The following DIXDC1 variants were observed in gnomAD, a reference collection of about 807,000 sequenced individuals.
DIXDC1 encodes the protein dixin.
DIXDC1 carries 64 observed loss-of-function variants against 103.1 expected under a neutral mutation model. The observed-to-expected ratio is 0.62, with a 90% CI of 0.51 to 0.76. The LOEUF (loss-of-function observed/expected upper bound fraction) is 0.76. Ranked by LOEUF, DIXDC1 falls within the 30% of genes least tolerant of loss-of-function variation. The probability of loss-of-function intolerance (pLI) is 0.00; values close to 1 mark genes in which losing one functional copy is unlikely to be tolerated. For missense variants in DIXDC1, 759 were observed against 834.2 expected (o/e 0.91, Z 1.11); for synonymous variants, 266 against 298.5 (o/e 0.89, Z 1.12).
chr11:111,966,472 C>T (rs1357161990), intron 2 of DIXDC1, among the ~76,000 whole-genome samples: 2 of 144,446 alleles, frequency 1.4e-5, no homozygotes, highest in African/African-American at 5.4e-5. Context: ...GGCGCAATCT[C>T]GGCTCACTGC....
intron 3 of DIXDC1, among the ~76,000 whole-genome samples, chr11:111,968,862 C>G (rs2137520442): frequency 1.3e-5 from 2 of 152,158 alleles, no homozygotes; most frequent in South Asian, 4.2e-4. Context: ...GCAACCTTTG[C>G]CTCCCTGGTT....
intron 1 of DIXDC1, among the ~76,000 whole-genome samples, chr11:111,952,405 T>A (rs1336834756): frequency 6.6e-6 from 1 of 152,184 alleles, no homozygotes; most frequent in Non-Finnish European, 1.5e-5. Context: ...AAGAAAACAC[T>A]AAGGCAATGG....
In DIXDC1 at chr11:111,998,776, C is replaced by G. The variant is rs1339650724; in HGVS notation, c.1756+2630C>G. Reference sequence around the variant, plus strand: ...CTTGAACTCTTGAGCTCAGGCAATCCACCCACCCCGGCCTCCCAAAGTGCT... The same window carrying G: ...CTTGAACTCTTGAGCTCAGGCAATCGACCCACCCCGGCCTCCCAAAGTGCT... On this transcript the variant is annotated intron_variant, in intron 17 of 19. Transcript: ENST00000440460. The surrounding 1 kb of genome is among the most constrained non-coding windows in gnomAD (Gnocchi z 4.1). Among the ~76,000 whole-genome samples, 1 of 152,172 alleles carries G rather than the reference C, an allele frequency of 6.6e-6. No individual in the cohort carries two copies. Among genetic ancestry groups the G allele is most frequent in the Non-Finnish European group, 1.5e-5 (1 of 68,030 alleles).
chr11:111,981,119 T>C (rs1555173204), intron 6 of DIXDC1, among the ~76,000 whole-genome samples: 3 of 150,798 alleles, frequency 2.0e-5, no homozygotes, highest in Non-Finnish European at 4.5e-5. Context: ...GAAATGACTT[T>C]GGGGCAGTCA....
chr11:111,959,927 T>G (rs1859515353), intron 1 of DIXDC1, among the ~76,000 whole-genome samples: 1 of 152,096 alleles, frequency 6.6e-6, no homozygotes, highest in Admixed American at 6.5e-5. Flanking sequence ...TGTTTGTTTT[T>G]GAGATGGAGT....
At chr11:111,983,388 G>A (rs947248789) in intron 7 of DIXDC1, among the ~76,000 whole-genome samples, 2 of 152,130 alleles carry the variant, frequency 1.3e-5, no homozygotes, top group South Asian at 2.1e-4. Flanking sequence ...TTTGCATAAC[G>A]TATGCCCCAG....
At chr11:112,000,404 TAAAG>T (rs1555175862) in intron 17 of DIXDC1, among the ~76,000 whole-genome samples, 1 of 151,756 alleles carries the variant, frequency 6.6e-6, no homozygotes, top group Non-Finnish European at 1.5e-5. Context: ...CCAAAGAAGA[TAAAG>T]AAATGGCCAG....
chr11:111,965,362 G>A (rs1859694523), intron 2 of DIXDC1, among the ~76,000 whole-genome samples: 1 of 152,142 alleles, frequency 6.6e-6, no homozygotes, highest in Admixed American at 6.5e-5. Flanking sequence ...TTTAAGAGCA[G>A]GCATAGTATA....
At chr11:111,991,910 A>T (rs1860722930) in intron 10 of DIXDC1, among the ~76,000 whole-genome samples, 1 of 152,136 alleles carries the variant, frequency 6.6e-6, no homozygotes, top group Admixed American at 6.5e-5. Flanking sequence ...AATAGGGCCC[A>T]TCTCTCCAGG....
chr11:111,956,679 G>A (rs1241792398), intron 1 of DIXDC1, among the ~76,000 whole-genome samples: 1 of 151,984 alleles, frequency 6.6e-6, no homozygotes, highest in Non-Finnish European at 1.5e-5. Context: ...TAGTAGAGAC[G>A]AGGTTTCACC....
At chr11:111,952,501 A>G (rs1274478630) in intron 1 of DIXDC1, among the ~76,000 whole-genome samples, 2 of 152,130 alleles carry the variant, frequency 1.3e-5, no homozygotes, top group Non-Finnish European at 2.9e-5. Flanking sequence ...AGCCTGAGCA[A>G]CAAAGTGAGA....
chr11:111,933,381 C>T (rs916616131), upstream of DIXDC1, among the ~76,000 whole-genome samples: 10 of 152,150 alleles, frequency 6.6e-5, no homozygotes, highest in Admixed American at 2.6e-4. Context: ...GCCCGCCTTC[C>T]GCCTTGGCCT....
chr11:111,989,142 G>C (rs1321242330), intron 10 of DIXDC1, 87 bp downstream of exon 10: 1 of 1,132,516 alleles, frequency 8.8e-7, no homozygotes. Context: ...GGAATTTTCT[G>C]TGGACCTTTA....
At position 111,940,096 on chromosome 11, in the gene DIXDC1, A is replaced by G. The variant is rs1038290211; in HGVS notation, c.60+2537A>G. Among the ~76,000 whole-genome samples, 6 of 152,228 alleles carry G rather than the reference A, an allele frequency of 3.9e-5. 1 individual carries two copies. ...GAGCTTTGGCCTTAATTGGTTAATT[A>G]TAAGGGAACCCTGCAGCAGAGAGAA... On this transcript the variant is annotated intron_variant, in intron 1 of 19. Transcript: ENST00000440460.
chr11:111,962,041 T>G (rs1271887825), intron 1 of DIXDC1, among the ~76,000 whole-genome samples: 1 of 152,194 alleles, frequency 6.6e-6, no homozygotes, highest in Non-Finnish European at 1.5e-5. Context: ...TGGGGCTTGT[T>G]GTAGCCTCAT....
intron 17 of DIXDC1, 114 bp downstream of exon 17, chr11:111,996,260 C>G (rs978011712): frequency 1.1e-6 from 1 of 891,908 alleles, no homozygotes; most frequent in Non-Finnish European, 1.7e-6. Context: ...CACTTTTATA[C>G]TATTTTGTTT....
intron 1 of DIXDC1, among the ~76,000 whole-genome samples, chr11:111,961,060 A>G (rs1225891489): frequency 6.6e-6 from 1 of 152,214 alleles, no homozygotes; most frequent in African/African-American, 2.4e-5. Flanking sequence ...TCATGTGCAT[A>G]TGAATCACCA....
At position 111,974,077 on chromosome 11, in the gene DIXDC1, C is replaced by G; in HGVS notation, c.371C>G (p.Ala124Gly). 1 of 1,613,990 alleles carries G rather than the reference C, an allele frequency of 6.2e-7. No homozygotes were observed. The change falls in exon 4 of 20, where the codon GCT becomes GGT. Residue 124 changes from alanine (A) to glycine (G), a missense_variant. Ala to Gly is a moderately conservative substitution (Grantham distance 60). Coordinates refer to ENST00000440460, the MANE Select transcript of DIXDC1 (RefSeq NM_001037954.4). ...SIMRLVLALA[A>G]HFKPGSSRTV... is the part of the protein sequence containing the mutation. ...ATGAGGCTGGTCCTTGCCTTGGCAGCTCATTTCAAACCTGGCTCCAGCAGG... is the reference window on the plus strand; with the variant it reads ...ATGAGGCTGGTCCTTGCCTTGGCAGGTCATTTCAAACCTGGCTCCAGCAGG...
intron 1 of DIXDC1, among the ~76,000 whole-genome samples, chr11:111,938,736 G>C (rs1366131430): frequency 2.6e-5 from 4 of 152,134 alleles, no homozygotes; most frequent in African/African-American, 9.7e-5. Context: ...ACCCTCCCCT[G>C]GTCTGGCCCC....
Sources: gnomAD v4.1 joint callset for allele counts (sites outside exome capture counted in the v4.1 genomes callset) on GRCh38, gnomAD v4.1.1 for gene constraint, Gnocchi (gnomAD v3.1) non-coding constraint, MANE v1.5 for transcripts, NCBI Gene and HGNC (gene_info 2026-07-23, HGNC 2026-07-21) for gene names.